The following RBMS3 variants were observed in gnomAD, a reference collection of about 807,000 sequenced individuals.
RBMS3 encodes RNA-binding motif, single-stranded-interacting protein 3.
Under a neutral mutation model 66.8 loss-of-function variants are expected in RBMS3, and 27 were observed. The observed-to-expected ratio is 0.40, with a 90% CI of 0.30 to 0.56. The LOEUF (loss-of-function observed/expected upper bound fraction) is 0.56, where lower values mean the gene tolerates loss of function less well. Ranked by LOEUF, RBMS3 falls within the 20% of genes least tolerant of loss-of-function variation. The probability of loss-of-function intolerance (pLI) is 0.40; values close to 1 mark genes in which losing one functional copy is unlikely to be tolerated. For synonymous variants in RBMS3, 188 were observed against 183.0 expected, an observed-to-expected ratio of 1.03 and a Z score of -0.22; for missense variants, 513 against 549.5, an observed-to-expected ratio of 0.93 and a Z score of 0.66.
At chr3:29,301,277 A>C (rs756547176) in intron 1 of RBMS3, among the ~76,000 whole-genome samples, 4 of 152,030 alleles carry the variant, frequency 2.6e-5, no homozygotes, top group Non-Finnish European at 4.4e-5. Flanking sequence ...TTTATCAGAA[A>C]AGTCTAACAA....
intron 2 of RBMS3, among the ~76,000 whole-genome samples, chr3:29,447,101 C>T (rs1414298931): frequency 4.0e-5 from 6 of 151,616 alleles, no homozygotes; most frequent in Admixed American, 6.6e-5. Context: ...TTTGTAAAGA[C>T]GGGGTTTCAC....
At chr3:29,452,560 C>T (rs78279672) in intron 2 of RBMS3, among the ~76,000 whole-genome samples, 1 of 152,100 alleles carries the variant, frequency 6.6e-6, no homozygotes, top group Non-Finnish European at 1.5e-5. Context: ...CGTAAGCCAA[C>T]TTCAAGTGTT....
intron 10 of RBMS3, among the ~76,000 whole-genome samples, chr3:29,930,408 G>A (rs1392635347): frequency 6.6e-6 from 1 of 151,664 alleles, no homozygotes; most frequent in African/African-American, 2.4e-5. Flanking sequence ...CACTGCGCCC[G>A]GCCTACTTTG....
At chr3:29,561,121 T>TC (rs1384674351) in intron 3 of RBMS3, among the ~76,000 whole-genome samples, 4 of 126 alleles carry the variant, frequency 0.032, no homozygotes, top group African/African-American at 0.083. Context: ...GTACCACATT[T>TC]TCTTATCCAG....
intron 4 of RBMS3, among the ~76,000 whole-genome samples, chr3:29,736,748 T>G (rs972063731): frequency 6.6e-6 from 1 of 152,308 alleles, no homozygotes; most frequent in African/African-American, 2.4e-5. Flanking sequence ...CATTTCTCAA[T>G]TCTTCTTTAA....
At chr3:29,899,424 G>C (rs955629362) in intron 9 of RBMS3, among the ~76,000 whole-genome samples, 1 of 151,654 alleles carries the variant, frequency 6.6e-6, no homozygotes, top group African/African-American at 2.4e-5. Context: ...AAACTTTAGC[G>C]TTCAACATCA....
intron 4 of RBMS3, among the ~76,000 whole-genome samples, chr3:29,621,641 T>C (rs2048868861): frequency 6.6e-6 from 1 of 152,194 alleles, no homozygotes; most frequent in South Asian, 2.1e-4. Context: ...GACAGCATAA[T>C]ACCAAGTTCT....
chr3:29,935,374 A>C (rs2061239595), intron 10 of RBMS3, among the ~76,000 whole-genome samples: 1 of 152,078 alleles, frequency 6.6e-6, no homozygotes, highest in African/African-American at 2.4e-5. Context: ...TTTTCTTAAC[A>C]TCTGATTTAA....
chr3:29,691,947 C>CTTTTTTTTTTTTTT (rs1218393454), intron 4 of RBMS3, among the ~76,000 whole-genome samples: 1 of 53,512 alleles, frequency 1.9e-5, no homozygotes, highest in African/African-American at 7.5e-5. Flanking sequence ...CTCTCTCTCT[C>CTTTTTTTTTTTTTT]TATTTTTTTT....
At chr3:29,945,702 T>G (rs1695259091) in intron 12 of RBMS3, among the ~76,000 whole-genome samples, 1 of 151,704 alleles carries the variant, frequency 6.6e-6, no homozygotes, top group African/African-American at 2.4e-5. Context: ...AAGAACATAA[T>G]GAAGAAAGCA....
At chr3:29,813,820 A>G (rs952883153) in intron 6 of RBMS3, among the ~76,000 whole-genome samples, 6 of 152,110 alleles carry the variant, frequency 3.9e-5, no homozygotes, top group African/African-American at 9.7e-5. Context: ...TGATTTTTGT[A>G]CATTGATTTT....
At chr3:29,292,677 G>GA (rs1365854676) in intron 1 of RBMS3, among the ~76,000 whole-genome samples, 1 of 151,072 alleles carries the variant, frequency 6.6e-6, no homozygotes, top group Non-Finnish European at 1.5e-5. Flanking sequence ...AGTAAAAAAA[G>GA]AAAAAAAGAT....
At chr3:29,750,324 A>G (rs757699578) in intron 5 of RBMS3, among the ~76,000 whole-genome samples, 6 of 152,172 alleles carry the variant, frequency 3.9e-5, no homozygotes, top group Non-Finnish European at 7.4e-5. Flanking sequence ...TAACGTTTTG[A>G]GAAGACTTAA....
intron 4 of RBMS3, among the ~76,000 whole-genome samples, chr3:29,663,117 C>G (rs1263197135): frequency 6.6e-6 from 1 of 152,156 alleles, no homozygotes; most frequent in African/African-American, 2.4e-5. Flanking sequence ...CAATGCCTCT[C>G]ATAGAGTAGG....
chr3:29,410,933 G>C (rs1338490725), intron 1 of RBMS3, among the ~76,000 whole-genome samples: 2 of 148,664 alleles, frequency 1.3e-5, no homozygotes, highest in African/African-American at 2.5e-5. Flanking sequence ...GACATTTGCT[G>C]GAAATGACTT....
chr3:29,395,305 T>A (rs1256857407), intron 1 of RBMS3, among the ~76,000 whole-genome samples: 2 of 152,224 alleles, frequency 1.3e-5, no homozygotes, highest in Non-Finnish European at 1.5e-5. Flanking sequence ...CCCACAAGGA[T>A]GTGCATCTGA....
intron 2 of RBMS3, among the ~76,000 whole-genome samples, chr3:29,469,403 T>C (rs948838051): frequency 6.6e-6 from 1 of 151,994 alleles, no homozygotes; most frequent in African/African-American, 2.4e-5. Context: ...AGAATGTTAA[T>C]AACAGCAATG....
chr3:29,591,275 C>T (rs184511959), intron 4 of RBMS3, among the ~76,000 whole-genome samples: 25 of 152,284 alleles, frequency 1.6e-4, no homozygotes, highest in Admixed American at 3.9e-4. Context: ...TCTGGTGACT[C>T]GGTTATCTCC....
At chr3:29,494,375 G>A (rs990288276) in intron 3 of RBMS3, among the ~76,000 whole-genome samples, 1 of 152,090 alleles carries the variant, frequency 6.6e-6, no homozygotes, top group East Asian at 1.9e-4. Flanking sequence ...ATAACCTCTC[G>A]TTTTCAAGAT....
Sources: allele counts gnomAD v4.1 joint callset (sites outside exome capture counted in the v4.1 genomes callset), GRCh38; gene constraint gnomAD v4.1.1; transcripts MANE v1.5; gene names NCBI Gene and HGNC (gene_info 2026-07-23, HGNC 2026-07-21).